The following POPDC3 variants were observed in gnomAD, a reference collection of about 807,000 sequenced individuals.
The protein encoded by POPDC3 is popeye domain-containing protein 3.
In POPDC3, 20 loss-of-function variants were observed where a neutral mutation model predicts 28.2. The observed-to-expected ratio is 0.71, with a 90% confidence interval of 0.50 to 1.03. The LOEUF (loss-of-function observed/expected upper bound fraction) is 1.03. Ranked by LOEUF, POPDC3 falls within the 50% of genes least tolerant of loss-of-function variation. POPDC3 has a pLI of 0.00. For missense variants in POPDC3, 316 were observed against 345.9 expected (o/e 0.91, Z 0.69); for synonymous variants, 118 against 124.1 (o/e 0.95, Z 0.33).
At chr6:105,162,194 T>C in intron 1 of POPDC3, 34 bp from the exon 2 acceptor site, 1 of 1,148,900 alleles carries the variant, frequency 8.7e-7, no homozygotes, top group Admixed American at 4.3e-5. Context: ...AGGATCTAAT[T>C]AAACAAAAAG....
At chr6:105,160,688 G>A (rs983462771) in intron 2 of POPDC3, among the ~76,000 whole-genome samples, 5 of 152,094 alleles carry the variant, frequency 3.3e-5, no homozygotes, top group South Asian at 2.1e-4. Flanking sequence ...CGCCTCCCAC[G>A]CTCAAGCAGT....
chr6:105,162,132 G>C lies in POPDC3; in HGVS notation c.-223C>G. The C allele has an allele frequency of 8.6e-6, 11 of 1,277,612 alleles. No homozygotes were observed. Among genetic ancestry groups the C allele is most frequent in the Non-Finnish European group, 1.1e-5 (11 of 1,016,234 alleles). 79.1% of individuals were successfully genotyped at this position (1,277,612 alleles called of 1,614,324 possible). On this transcript the variant is annotated 5_prime_UTR_variant, in exon 2 of 4. In the 5' UTR this introduces an upstream ATG that the reference lacks. Transcript: ENST00000254765. ...TAAGTTCATCTGGGCTCCTGATTTG[G>C]ATCCAGTCTGCAAATATTTTGGTAT...
chr6:105,159,760 T>C lies in POPDC3; in HGVS notation c.545A>G (p.Asp182Gly), dbSNP rs750166650. 2 of 1,613,720 alleles carry C rather than the reference T, an allele frequency of 1.2e-6. No individual in the cohort carries two copies. Among genetic ancestry groups the C allele is most frequent in the South Asian group, 2.2e-5 (2 of 91,056 alleles). Residue 182 changes from aspartate to glycine, a missense_variant, in exon 3 of 4, where the codon GAT (aspartate) becomes GGT (glycine). Physicochemically the swap from Asp to Gly is moderately conservative, Grantham distance 94. Transcript: ENST00000254765. ...TCTCAGTGAATCCCACTCAGGAGAA[T>C]CCAGGAACTGAAGGGGGAAAATGTA... ...LHYIFPLQFL[D>G]SPEWDSLRPT...
At chr6:105,173,800 T>C (rs1357794216) in intron 1 of POPDC3, among the ~76,000 whole-genome samples, 2 of 151,882 alleles carry the variant, frequency 1.3e-5, no homozygotes, top group African/African-American at 2.4e-5. Context: ...GTGAGAATAA[T>C]TGGTGTCTTT....
At chr6:105,158,885 TA>T (rs1194860012) in intron 3 of POPDC3, 134 bp from the exon 4 acceptor site, 1 of 679,394 alleles carries the variant, frequency 1.5e-6, no homozygotes, top group African/African-American at 1.8e-5. Context: ...TGACCTACAA[TA>T]TATTGCAAAA....
At chr6:105,168,101 G>T (rs780139391) in intron 1 of POPDC3, among the ~76,000 whole-genome samples, 26 of 152,188 alleles carry the variant, frequency 1.7e-4, no homozygotes, top group Non-Finnish European at 5.9e-5. Flanking sequence ...TTCATATGCT[G>T]CCATCAGTCA....
intron 1 of POPDC3, among the ~76,000 whole-genome samples, chr6:105,167,746 CAAAA>C (rs35491409): frequency 1.3e-4 from 15 of 116,026 alleles, no homozygotes; most frequent in Admixed American, 1.7e-4. Flanking sequence ...GACTCAGCCT[CAAAA>C]AAAAAAAAAA....
At chr6:105,174,419 G>A (rs201224576) in intron 1 of POPDC3, among the ~76,000 whole-genome samples, 4 of 152,266 alleles carry the variant, frequency 2.6e-5, no homozygotes, top group East Asian at 1.9e-4. Flanking sequence ...TATATAATCC[G>A]GAGGTAAGGA....
intron 1 of POPDC3, among the ~76,000 whole-genome samples, chr6:105,167,813 AGT>A (rs1774489082): frequency 6.6e-6 from 1 of 152,076 alleles, no homozygotes; most frequent in Admixed American, 6.6e-5. Flanking sequence ...TTGAAATGAC[AGT>A]GTTTTAGAAA....
chr6:105,158,940 T>C (rs982478999), intron 3 of POPDC3, 189 bp from the exon 4 acceptor site: 15 of 457,290 alleles, frequency 3.3e-5, no homozygotes, highest in East Asian at 2.8e-4. Flanking sequence ...ATTTATAATA[T>C]GAATAATCAC....
chr6:105,170,861 A>G (rs1299451635), intron 1 of POPDC3, among the ~76,000 whole-genome samples: 4 of 152,234 alleles, frequency 2.6e-5, no homozygotes, highest in African/African-American at 9.6e-5. Flanking sequence ...TAAATGGTTA[A>G]AAATACACAA....
At position 105,170,248 on chromosome 6, in the gene POPDC3, A is replaced by G. The variant is rs1321165522; in HGVS notation, c.-251-8088T>C. Among the ~76,000 whole-genome samples, 7 of 152,212 alleles carry G rather than the reference A, an allele frequency of 4.6e-5. No individual in the cohort carries two copies. The South Asian group carries it at 1.4e-3, about 31-fold the overall frequency. On this transcript the variant is annotated intron_variant, in intron 1 of 3. Coordinates refer to ENST00000254765, the MANE Select transcript of POPDC3 (RefSeq NM_022361.5). The stretch of plus-strand genomic sequence containing the variant: ...AGCCATTCCCTTTTGATGAGCTGCT[A>G]TGACATCATGCAGTAAGTTTACTGA...
intron 1 of POPDC3, chr6:105,179,240 G>T (rs532469471): frequency 6.1e-6 from 6 of 985,268 alleles, no homozygotes; most frequent in Non-Finnish European, 7.2e-6. Flanking sequence ...GAGAAAACAG[G>T]TCCGCGCGAC....
chr6:105,158,797 A>G (rs1003205992), intron 3 of POPDC3, 46 bp from the exon 4 acceptor site: 4 of 1,474,500 alleles, frequency 2.7e-6, no homozygotes, highest in Non-Finnish European at 3.6e-6. Context: ...AAGCAAGAAA[A>G]CTTCTGCCAC....
At chr6:105,167,524 A>G (rs1479473455) in intron 1 of POPDC3, among the ~76,000 whole-genome samples, 1 of 152,146 alleles carries the variant, frequency 6.6e-6, no homozygotes, top group Non-Finnish European at 1.5e-5. Context: ...AGGAGGATGG[A>G]TCACTTGAGG....
chr6:105,179,095 C>A (rs915455247), intron 1 of POPDC3: 1 of 985,406 alleles, frequency 1.0e-6, no homozygotes, highest in Non-Finnish European at 1.2e-6. Flanking sequence ...CACTGCCCCT[C>A]TTACTGTATT....
At chr6:105,168,522 G>T (rs1774506221) in intron 1 of POPDC3, among the ~76,000 whole-genome samples, 1 of 152,126 alleles carries the variant, frequency 6.6e-6, no homozygotes, top group African/African-American at 2.4e-5. Flanking sequence ...CTCTACCCAT[G>T]ATTGATCTCT....
intron 1 of POPDC3, among the ~76,000 whole-genome samples, chr6:105,171,488 G>A (rs572580244): frequency 2.5e-4 from 38 of 152,072 alleles, no homozygotes; most frequent in African/African-American, 8.7e-4. Context: ...GAGCAACAAA[G>A]TGAGACCCCA....
rs567589295 is a variant in POPDC3, at chr6:105,161,765, C to G, written c.145G>C (p.Gly49Arg). 3 of 1,613,992 alleles carry G rather than the reference C, an allele frequency of 1.9e-6. No homozygotes were observed. The highest frequency in any genetic ancestry group is 2.2e-5 in the East Asian group (1 of 44,898). Residue 49 changes from glycine (G) to arginine (R), a missense_variant, in exon 2 of 4, where the codon GGG becomes CGG. Coordinates refer to ENST00000254765, the MANE Select transcript of POPDC3 (RefSeq NM_022361.5). ...AGCAAACTGAAGACATAAAGGAGCCCGAAGAATCCACTGCCACCCATGAAA... is the reference window on the plus strand; with the variant it reads ...AGCAAACTGAAGACATAAAGGAGCCGGAAGAATCCACTGCCACCCATGAAA... ...VGFMGGSGFF[G>R]LLYVFSLLGL... is the part of the protein sequence containing the mutation.
Sources: gnomAD v4.1 joint callset for allele counts (sites outside exome capture counted in the v4.1 genomes callset) on GRCh38, gnomAD v4.1.1 for gene constraint, MANE v1.5 for transcripts, NCBI Gene and HGNC (gene_info 2026-07-23, HGNC 2026-07-21) for gene names.